SLC44A1: variants seen among roughly 807,000 people sequenced by gnomAD.
The protein encoded by SLC44A1 is choline transporter-like protein 1.
In SLC44A1, 26 loss-of-function variants were observed where a neutral mutation model predicts 79.3. The ratio of observed to expected loss-of-function variants is 0.33; its 90% CI spans 0.24 to 0.46. The LOEUF (loss-of-function observed/expected upper bound fraction) is 0.46. Among genes scored for constraint, SLC44A1 ranks in the 20% least tolerant of loss-of-function variants. The pLI, the probability that SLC44A1 is intolerant of heterozygous loss-of-function variation, is 1.00. For missense variants in SLC44A1, 688 were observed against 798.1 expected, an observed-to-expected ratio of 0.86 and a Z score of 1.66; for synonymous variants, 263 against 286.2, an observed-to-expected ratio of 0.92 and a Z score of 0.82.
intron 15 of SLC44A1, among the ~76,000 whole-genome samples, chr9:105,433,023 G>A (rs1465098415): frequency 6.6e-6 from 1 of 152,100 alleles, no homozygotes; most frequent in Non-Finnish European, 1.5e-5. Context: ...CGCCGGGCGT[G>A]GTGGCTTACT....
At chr9:105,309,223 T>C (rs982492432) in intron 2 of SLC44A1, among the ~76,000 whole-genome samples, 1 of 152,230 alleles carries the variant, frequency 6.6e-6, no homozygotes, top group South Asian at 2.1e-4. Context: ...CCTTTGCTGA[T>C]GTTCACTTAA....
intron 15 of SLC44A1, chr9:105,385,836 T>G: frequency 3.0e-6 from 3 of 985,454 alleles, no homozygotes; most frequent in Non-Finnish European, 3.6e-6. Context: ...TTCATCAGAC[T>G]GAACATTTTG....
At chr9:105,383,414 A>G in intron 14 of SLC44A1, 55 bp downstream of exon 14, 1 of 993,838 alleles carries the variant, frequency 1.0e-6, no homozygotes, top group Non-Finnish European at 1.6e-6. Flanking sequence ...CAATAAAAAT[A>G]TTTTGTAAAA....
chr9:105,336,719 A>G (rs1023736418), intron 4 of SLC44A1, among the ~76,000 whole-genome samples: 3 of 152,184 alleles, frequency 2.0e-5, no homozygotes, highest in Non-Finnish European at 4.4e-5. Context: ...GCATGGCTCC[A>G]GTGTCTTCCA....
At position 105,429,486 on chromosome 9, in the gene SLC44A1, A is replaced by G. The variant is rs564372295; in HGVS notation, c.1951-8795A>G. Reference sequence around the variant, plus strand: ...CCTGGCTAATTTTTGAATTTTCTGTAGAGACAAGGTTTTGCCATGTTGTGC... The same window carrying G: ...CCTGGCTAATTTTTGAATTTTCTGTGGAGACAAGGTTTTGCCATGTTGTGC... On this transcript the variant is annotated intron_variant, in intron 15 of 15. Coordinates refer to the SLC44A1 transcript ENST00000374724. 1.4e-4 allele frequency among the ~76,000 whole-genome samples: 21 copies of G among 152,238 alleles called. No individual in the cohort carries two copies. The East Asian group carries it at 3.9e-3, about 28-fold the overall frequency.
intron 3 of SLC44A1, 105 bp downstream of exon 3, chr9:105,309,971 T>C (rs1831135219): frequency 3.4e-6 from 4 of 1,185,702 alleles, no homozygotes; most frequent in Non-Finnish European, 4.6e-6. Flanking sequence ...CCAAATATTA[T>C]TTTTATGTGA....
intron 13 of SLC44A1, among the ~76,000 whole-genome samples, chr9:105,380,763 T>C (rs976492206): frequency 1.3e-5 from 2 of 152,170 alleles, no homozygotes; most frequent in African/African-American, 2.4e-5. Context: ...ATCACTGATA[T>C]AGACCAGTAC....
At chr9:105,249,688 C>G (rs1829536456) in intron 1 of SLC44A1, among the ~76,000 whole-genome samples, 2 of 148,068 alleles carry the variant, frequency 1.4e-5, no homozygotes, top group Admixed American at 1.3e-4. Context: ...CCACACCCAG[C>G]TAATTTTTTT....
At position 105,356,303 on chromosome 9, in the gene SLC44A1, A is replaced by G; in HGVS notation, c.592A>G (p.Asn198Asp). 6.2e-7 allele frequency: 1 copy of G among 1,613,118 alleles called. No individual in the cohort carries two copies. ...AEALITFVSD[N>D]SVLHRLISGV... is the part of the protein sequence containing the mutation. ...GGCCCTGATCACCTTTGTCAGTGAC[A>G]ATAGTGTCTTACACAGGCTGATTAG... is the stretch of plus-strand genomic sequence containing the variant. Residue 198 changes from asparagine to aspartate, a missense_variant, in exon 6 of 16, where the codon AAT (asparagine) becomes GAT (aspartate). Physicochemically the swap from Asn to Asp is conservative, Grantham distance 23. Coordinates refer to ENST00000374720, the MANE Select transcript of SLC44A1 (RefSeq NM_080546.5).
chr9:105,308,218 C>T (rs1442471360), intron 2 of SLC44A1, among the ~76,000 whole-genome samples: 5 of 152,204 alleles, frequency 3.3e-5, no homozygotes, highest in African/African-American at 1.2e-4. Flanking sequence ...AGCCCACCAT[C>T]TTTCCCTTAT....
chr9:105,413,844 C>A (rs1184875554), intron 15 of SLC44A1, among the ~76,000 whole-genome samples: 1 of 152,172 alleles, frequency 6.6e-6, no homozygotes, highest in Non-Finnish European at 1.5e-5. Flanking sequence ...CGTGATCCCC[C>A]TGACTACGAA....
chr9:105,389,870 T>C lies in SLC44A1; in HGVS notation c.*814T>C. The stretch of plus-strand genomic sequence containing the variant: ...AAAGGAAGCTGGGGCACCCAGCGAG[T>C]TTAGCCTTTAAGTTTCTGTGTATTG... On this transcript the variant is annotated 3_prime_UTR_variant, in exon 16 of 16. Transcript: ENST00000374720. 4 of 1,498,792 alleles carry C rather than the reference T, an allele frequency of 2.7e-6. No individual in the cohort carries two copies. Among genetic ancestry groups the C allele is most frequent in the Non-Finnish European group, 3.6e-6 (4 of 1,124,042 alleles). The allele number at this position is 1,498,792 out of a possible 1,614,324, so 92.8% of individuals were successfully genotyped here.
In SLC44A1 at chr9:105,389,532, T is replaced by G; in HGVS notation, c.*476T>G. ...TCCTAGTGGGTCAAGACTAGGCATA[T>G]GCTTTCAGATAAATAAGGAATTACT... On this transcript the variant is annotated 3_prime_UTR_variant, in exon 16 of 16. Transcript: ENST00000374720. The G allele has an allele frequency of 2.8e-6, 3 of 1,066,696 alleles. No homozygotes were observed. The highest frequency in any genetic ancestry group is 3.4e-6 in the Non-Finnish European group (3 of 882,950). The allele number at this position is 1,066,696 out of a possible 1,614,324, so 66.1% of individuals were successfully genotyped here. A position where few individuals can be genotyped will look rare whatever the true frequency, so the allele number is the denominator to read the frequency against.
chr9:105,375,489 C>T (rs1007386290), intron 13 of SLC44A1, among the ~76,000 whole-genome samples: 4 of 152,186 alleles, frequency 2.6e-5, no homozygotes, highest in African/African-American at 9.7e-5. Flanking sequence ...GGGAATCACT[C>T]TGTGCCTCAG....
At chr9:105,437,884 CTT>C (rs916117277) in intron 15 of SLC44A1, among the ~76,000 whole-genome samples, 2 of 152,206 alleles carry the variant, frequency 1.3e-5, no homozygotes, top group African/African-American at 4.8e-5. Flanking sequence ...CTAAAAACCT[CTT>C]TGTCAAAGAA....
Position 105,351,550 on chromosome 9 carries a change from A to G in SLC44A1, c.500+3099A>G, listed in dbSNP as rs201752277. On this transcript the variant is annotated intron_variant, in intron 5 of 15. Transcript: ENST00000374720. Reference sequence around the variant, plus strand: ...CCTGTCTGAAAGAAAGAAAGAAAGAAAGAAAGAGAGAAAGAGAGAAAGAGA... The same window carrying G: ...CCTGTCTGAAAGAAAGAAAGAAAGAGAGAAAGAGAGAAAGAGAGAAAGAGA... Among the ~76,000 whole-genome samples, 720 of 100,216 alleles carry G rather than the reference A, an allele frequency of 7.2e-3. 12 individuals carry two copies. The highest frequency in any genetic ancestry group is 0.023 in the Middle Eastern group (5 of 218). 65.7% of individuals were successfully genotyped at this position (100,216 alleles called of 152,430 possible).
intron 15 of SLC44A1, chr9:105,438,209 TTA>T: frequency 1.6e-6 from 2 of 1,289,620 alleles, no homozygotes; most frequent in Non-Finnish European, 2.2e-6. Context: ...CTATTTCTAG[TTA>T]TTGATTACTT....
chr9:105,306,388 A>G (rs894974988), intron 2 of SLC44A1, among the ~76,000 whole-genome samples: 3 of 152,056 alleles, frequency 2.0e-5, no homozygotes, highest in African/African-American at 4.8e-5. Flanking sequence ...TTCTGAAACT[A>G]TATTGCTTCC....
At chr9:105,295,198 TA>T (rs2131279932) in intron 1 of SLC44A1, among the ~76,000 whole-genome samples, 1 of 152,368 alleles carries the variant, frequency 6.6e-6, no homozygotes, top group South Asian at 2.1e-4. Flanking sequence ...AGAATTGTTT[TA>T]GGAATCAAAT....
Sources: allele counts gnomAD v4.1 joint callset (sites outside exome capture counted in the v4.1 genomes callset), GRCh38; gene constraint gnomAD v4.1.1; transcripts MANE v1.5; gene names NCBI Gene and HGNC (gene_info 2026-07-23, HGNC 2026-07-21).